The following SORCS3 variants were observed in gnomAD, a reference collection of about 807,000 sequenced individuals.
The protein encoded by SORCS3 is sortilin related VPS10 domain containing receptor 3, also known as VPS10 domain-containing receptor SorCS3.
A neutral mutation model predicts 146.3 loss-of-function variants in SORCS3; 57 were observed. The ratio of observed to expected loss-of-function variants is 0.39; its 90% CI spans 0.31 to 0.49. SORCS3 has a LOEUF of 0.49. Among genes scored for constraint, SORCS3 ranks in the 20% least tolerant of loss-of-function variants. The pLI, the probability that SORCS3 is intolerant of heterozygous loss-of-function variation, is 0.92. For missense variants in SORCS3, 1,341 were observed against 1,575.5 expected (o/e 0.85, Z 2.52); for synonymous variants, 653 against 618.5 (o/e 1.06, Z -0.83).
chr10:104,912,620 C>A (rs1435254874), intron 2 of SORCS3, among the ~76,000 whole-genome samples: 1 of 152,210 alleles, frequency 6.6e-6, no homozygotes, highest in Non-Finnish European at 1.5e-5. Flanking sequence ...TAGGTTTGGA[C>A]AATCTCATTC....
chr10:104,716,680 A>G (rs1039328374), intron 1 of SORCS3, among the ~76,000 whole-genome samples: 1 of 152,204 alleles, frequency 6.6e-6, no homozygotes, highest in Non-Finnish European at 1.5e-5. Flanking sequence ...TTCTTTTGGG[A>G]CAAGAAATCA....
At position 105,123,078 on chromosome 10, in the gene SORCS3, C is replaced by T. The variant is rs2055946347; in HGVS notation, c.1213-16319C>T. Among the ~76,000 whole-genome samples, 4 of 152,236 alleles carry T rather than the reference C, an allele frequency of 2.6e-5. No homozygotes were observed. The South Asian group carries it at 6.2e-4, about 24-fold the overall frequency. On this transcript the variant is annotated intron_variant, in intron 7 of 26. Transcript: ENST00000369701. ...TCTGTTGTTGTTCTTGGAGAACTGC[C>T]TTCCAGGCAAAACTGTTGAAGACAT... is the stretch of plus-strand genomic sequence containing the variant.
intron 4 of SORCS3, among the ~76,000 whole-genome samples, chr10:105,019,082 C>T (rs1009893644): frequency 3.3e-5 from 5 of 152,148 alleles, no homozygotes; most frequent in Non-Finnish European, 5.9e-5. Context: ...CTTTGTTTGA[C>T]AACACCTGTA....
chr10:104,674,882 T>C (rs1196446754), intron 1 of SORCS3, among the ~76,000 whole-genome samples: 1 of 152,246 alleles, frequency 6.6e-6, no homozygotes, highest in Non-Finnish European at 1.5e-5. Flanking sequence ...CCAAATTATC[T>C]ATCTATTCTG....
intron 16 of SORCS3, among the ~76,000 whole-genome samples, chr10:105,204,118 A>G (rs2056588794): frequency 6.6e-6 from 1 of 152,072 alleles, no homozygotes. Flanking sequence ...TGTGGTTCTC[A>G]TACTTGCACT....
At position 105,223,168 on chromosome 10, in the gene SORCS3, G is replaced by A. The variant is rs2056714523; in HGVS notation, c.2787G>A (p.Lys929=). ...TTCCATTTGTTGCCATAAGAAATAAGGAGGTCAACATCAGTGCAGTCGTGT... is the reference window on the plus strand; with the variant it reads ...TTCCATTTGTTGCCATAAGAAATAAAGAGGTCAACATCAGTGCAGTCGTGT... ...LRVPFVAIRN[K]EVNISAVVWP... is the part of the protein sequence containing the mutation. The change falls in exon 20 of 27, where the codon AAG becomes AAA. Residue 929 remains lysine (K), a synonymous_variant. Coordinates refer to ENST00000369701, the MANE Select transcript of SORCS3 (RefSeq NM_014978.3). 6.2e-7 allele frequency: 1 copy of A among 1,613,076 alleles called. No homozygotes were observed. The highest frequency in any genetic ancestry group is 1.7e-5 in the Admixed American group (1 of 59,992).
At chr10:105,012,227 AG>A (rs2055140126) in intron 4 of SORCS3, among the ~76,000 whole-genome samples, 1 of 152,182 alleles carries the variant, frequency 6.6e-6, no homozygotes, top group Non-Finnish European at 1.5e-5. Context: ...CCCTAGTGCT[AG>A]GTATTCTCCC....
At chr10:104,908,307 T>A (rs1432219266) in intron 2 of SORCS3, among the ~76,000 whole-genome samples, 1 of 152,230 alleles carries the variant, frequency 6.6e-6, no homozygotes, top group African/African-American at 2.4e-5. Flanking sequence ...TAATGATTTA[T>A]TGGGTATCCG....
At chr10:105,198,308 T>TA (rs1235022248) in intron 14 of SORCS3, among the ~76,000 whole-genome samples, 1 of 152,150 alleles carries the variant, frequency 6.6e-6, no homozygotes, top group Non-Finnish European at 1.5e-5. Flanking sequence ...AGGGAAGACT[T>TA]ACTGCTGGAA....
chr10:105,158,489 C>T (rs1262460396), intron 10 of SORCS3, among the ~76,000 whole-genome samples: 2 of 152,170 alleles, frequency 1.3e-5, no homozygotes, highest in Admixed American at 1.3e-4. Flanking sequence ...CTCTTCACTC[C>T]TCCCAGAGGG....
intron 4 of SORCS3, among the ~76,000 whole-genome samples, chr10:104,992,666 G>A (rs1311060205): frequency 1.3e-5 from 2 of 152,168 alleles, no homozygotes; most frequent in African/African-American, 2.4e-5. Context: ...AACAGGAAAT[G>A]TGTCTTCCTA....
intron 1 of SORCS3, among the ~76,000 whole-genome samples, chr10:104,723,871 C>G (rs892996352): frequency 1.3e-5 from 2 of 152,140 alleles, no homozygotes; most frequent in African/African-American, 2.4e-5. Context: ...ATGTGTGTCT[C>G]TGCACGTGAG....
At chr10:104,842,407 A>T (rs1313779961) in intron 1 of SORCS3, among the ~76,000 whole-genome samples, 4 of 152,170 alleles carry the variant, frequency 2.6e-5, no homozygotes, top group Admixed American at 2.6e-4. Context: ...AATCAGAGTC[A>T]TCTCTGGATC....
intron 1 of SORCS3, among the ~76,000 whole-genome samples, chr10:104,722,947 T>G (rs963630170): frequency 6.6e-6 from 1 of 152,230 alleles, no homozygotes; most frequent in Non-Finnish European, 1.5e-5. Context: ...ATTCATTAAT[T>G]TTTTGAAGGG....
chr10:104,876,703 TTTCCTTCCTTCC>T (rs747594890), intron 2 of SORCS3, among the ~76,000 whole-genome samples: 24 of 104,718 alleles, frequency 2.3e-4, no homozygotes, highest in South Asian at 1.5e-3. Context: ...TGGTCCAGGT[TTTCCTTCCTTCC>T]TTCCTTCCTT....
intron 1 of SORCS3, among the ~76,000 whole-genome samples, chr10:104,720,128 C>T (rs946595338): frequency 1.3e-5 from 2 of 151,520 alleles, no homozygotes; most frequent in Non-Finnish European, 2.9e-5. Flanking sequence ...CCTCCCCCTT[C>T]CCCCGACCCC....
intron 7 of SORCS3, among the ~76,000 whole-genome samples, chr10:105,113,956 T>A (rs1226882381): frequency 6.6e-6 from 1 of 152,150 alleles, no homozygotes; most frequent in African/African-American, 2.4e-5. Context: ...ATTTCTGTGT[T>A]CTGAGCCAAG....
chr10:105,180,866 C>A (rs977159318), intron 14 of SORCS3, among the ~76,000 whole-genome samples: 1 of 152,168 alleles, frequency 6.6e-6, no homozygotes, highest in African/African-American at 2.4e-5. Flanking sequence ...CATAGCCTGC[C>A]AGATCAGGAT....
At chr10:104,714,369 T>C (rs2016453287) in intron 1 of SORCS3, among the ~76,000 whole-genome samples, 1 of 152,160 alleles carries the variant, frequency 6.6e-6, no homozygotes, top group Admixed American at 6.5e-5. Context: ...ATAGCTTTCT[T>C]ATTTTCTAAC....
Sources: gnomAD v4.1 joint callset for allele counts (sites outside exome capture counted in the v4.1 genomes callset) on GRCh38, gnomAD v4.1.1 for gene constraint, MANE v1.5 for transcripts, NCBI Gene and HGNC (gene_info 2026-07-23, HGNC 2026-07-21) for gene names.